The following DOC2B variants were observed in gnomAD, a reference collection of about 807,000 sequenced individuals.
The protein encoded by DOC2B is double C2-like domain-containing protein beta.
Under a neutral mutation model 28.9 loss-of-function variants are expected in DOC2B, and 21 were observed. The observed-to-expected ratio is 0.73, with a 90% CI of 0.52 to 1.05. The LOEUF (loss-of-function observed/expected upper bound fraction) is 1.05. Ranked by LOEUF, DOC2B falls within the 50% of genes least tolerant of loss-of-function variation. The probability of loss-of-function intolerance (pLI) is 0.00; values close to 1 mark genes in which losing one functional copy is unlikely to be tolerated. For missense variants in DOC2B, 384 were observed against 421.1 expected, an observed-to-expected ratio of 0.91 and a Z score of 0.77; for synonymous variants, 194 against 178.1, an observed-to-expected ratio of 1.09 and a Z score of -0.71.
Position 147,439 on chromosome 17 carries a change from C to T in DOC2B, c.*2G>A, listed in dbSNP as rs944588692. 75 of 398,762 alleles carry T rather than the reference C, an allele frequency of 1.9e-4. No individual in the cohort carries two copies. The Admixed American group carries it at 2.1e-3, about 11-fold the overall frequency. 24.7% of individuals were successfully genotyped at this position (398,762 alleles called of 1,614,324 possible). A position where few individuals can be genotyped will look rare whatever the true frequency, so the allele number is the denominator to read the frequency against. ...GGCAGGGGTAGCAGTGGCGGGTGGG[C>T]GTCAGTCGCTGAGCACAGCCCCTGG... On this transcript the variant is annotated 3_prime_UTR_variant, in exon 9 of 9. Transcript: ENST00000613549.
chr17:159,496 C>T (rs886999280), intron 5 of DOC2B, among the ~76,000 whole-genome samples: 8 of 152,244 alleles, frequency 5.3e-5, no homozygotes, highest in East Asian at 3.9e-4. Context: ...TGGCGGCACA[C>T]GCCTGTAGTC....
At chr17:147,689 G>A (rs905338045) in intron 8 of DOC2B, 112 bp from the exon 9 acceptor site, 4 of 398,138 alleles carry the variant, frequency 1.0e-5, no homozygotes, top group Middle Eastern at 6.2e-4. Flanking sequence ...CCCACTGCCC[G>A]CTGGGTTCTG....
intron 2 of DOC2B, among the ~76,000 whole-genome samples, chr17:169,624 A>G (rs1376014386): frequency 6.6e-6 from 1 of 152,150 alleles, no homozygotes; most frequent in Admixed American, 6.5e-5. Context: ...AATGCTCACA[A>G]CAGGCATGTA....
At chr17:155,952 A>G in intron 6 of DOC2B, 1 of 431,418 alleles carries the variant, frequency 2.3e-6, no homozygotes, top group Non-Finnish European at 4.1e-6. Context: ...AGTCACAGAG[A>G]GGCCTGGACA....
At chr17:157,439 A>G (rs1555522718) in intron 5 of DOC2B, among the ~76,000 whole-genome samples, 1 of 152,014 alleles carries the variant, frequency 6.6e-6, no homozygotes, top group African/African-American at 2.4e-5. Context: ...CCCAGCCTCT[A>G]AGTTCCTTGA....
intron 1 of DOC2B, among the ~76,000 whole-genome samples, chr17:179,869 A>AT (rs1283340075): frequency 1.3e-5 from 2 of 152,258 alleles, no homozygotes; most frequent in Non-Finnish European, 2.9e-5. Context: ...TTTCCCCTAC[A>AT]GGGGCCCTGC....
rs567211857 is a variant in DOC2B at position 175,261 on chromosome 17, T to C, written c.374-2645A>G. ...AAAAAAATAAATAAATACTAGGTCT[T>C]GAGTGAAGCCTGAGGCACGTTCTCC... On this transcript the variant is annotated intron_variant, in intron 1 of 8. Coordinates refer to ENST00000613549, the MANE Select transcript of DOC2B (RefSeq NM_003585.5). 4.6e-5 allele frequency among the ~76,000 whole-genome samples: 7 copies of C among 152,224 alleles called. No individual in the cohort carries two copies. In the South Asian group the frequency reaches 1.5e-3, roughly 32 times the overall value.
At chr17:160,325 G>T (rs754165782) in intron 5 of DOC2B, among the ~76,000 whole-genome samples, 7 of 152,184 alleles carry the variant, frequency 4.6e-5, no homozygotes, top group Non-Finnish European at 7.4e-5. Context: ...AAACAGGAAA[G>T]GTTATATCCA....
chr17:161,743 C>T (rs1469886827), intron 4 of DOC2B, among the ~76,000 whole-genome samples: 5 of 152,198 alleles, frequency 3.3e-5, no homozygotes, highest in Non-Finnish European at 5.9e-5. Context: ...GACAAGTGTC[C>T]TCAGGTTGGA....
intron 6 of DOC2B, among the ~76,000 whole-genome samples, chr17:153,930 A>G (rs2040101307): frequency 6.6e-6 from 1 of 152,128 alleles, no homozygotes; most frequent in Non-Finnish European, 1.5e-5. Flanking sequence ...CATTCTACAC[A>G]CTGCCCATGT....
At chr17:165,616 C>A (rs1352526037) in intron 2 of DOC2B, among the ~76,000 whole-genome samples, 2 of 152,122 alleles carry the variant, frequency 1.3e-5, no homozygotes, top group African/African-American at 4.8e-5. Context: ...GCACGCCAGG[C>A]CCCCGTGAGA....
chr17:158,109 G>A (rs1168094994), intron 5 of DOC2B, among the ~76,000 whole-genome samples: 2 of 152,154 alleles, frequency 1.3e-5, no homozygotes, highest in Non-Finnish European at 2.9e-5. Context: ...CCCTGCCTCA[G>A]CAGCTGCCAG....
chr17:161,172 C>T (rs2040198111), intron 5 of DOC2B, among the ~76,000 whole-genome samples: 1 of 152,168 alleles, frequency 6.6e-6, no homozygotes, highest in Non-Finnish European at 1.5e-5. Context: ...GAGCCCAGGC[C>T]AGCGAGCCTG....
chr17:170,086 A>G (rs1434797245), intron 2 of DOC2B, among the ~76,000 whole-genome samples: 1 of 152,160 alleles, frequency 6.6e-6, no homozygotes, highest in East Asian at 1.9e-4. Flanking sequence ...GTGGCCTGGC[A>G]GCCGGCACCT....
intron 1 of DOC2B, among the ~76,000 whole-genome samples, chr17:180,333 G>C (rs1417116189): frequency 6.6e-6 from 1 of 152,080 alleles, no homozygotes; most frequent in African/African-American, 2.4e-5. Context: ...GCCGGGCCTC[G>C]GTCCCGGGAC....
At chr17:178,541 G>A (rs2040395099) in intron 1 of DOC2B, among the ~76,000 whole-genome samples, 1 of 152,228 alleles carries the variant, frequency 6.6e-6, no homozygotes, top group Non-Finnish European at 1.5e-5. Context: ...GCACGCCACA[G>A]AGGCCACCCT....
chr17:161,619 C>T lies in DOC2B; in HGVS notation c.639-78G>A. The T allele has an allele frequency of 2.6e-6, 4 of 1,534,250 alleles. No individual in the cohort carries two copies. In the South Asian group the frequency reaches 4.8e-5, roughly 18 times the overall value. The stretch of plus-strand genomic sequence containing the variant: ...TGGTGGAGGTGTGCGCAGGTAGGGC[C>T]AGCCCTGGCTTCTCCTGCCCCAAGC... On this transcript the variant is annotated intron_variant, in intron 4 of 8. Coordinates refer to ENST00000613549, the MANE Select transcript of DOC2B (RefSeq NM_003585.5).
chr17:150,420 T>G (rs1265964880), intron 6 of DOC2B, among the ~76,000 whole-genome samples: 1 of 152,046 alleles, frequency 6.6e-6, no homozygotes, highest in Non-Finnish European at 1.5e-5. Context: ...CCTGCATCCC[T>G]AGAAGTGAAG....
intron 2 of DOC2B, among the ~76,000 whole-genome samples, chr17:169,609 C>A (rs2040288834): frequency 6.6e-6 from 1 of 152,118 alleles, no homozygotes; most frequent in African/African-American, 2.4e-5. Flanking sequence ...CGTGTTAACT[C>A]ATTTAATGCT....
Sources: allele counts gnomAD v4.1 joint callset (sites outside exome capture counted in the v4.1 genomes callset), GRCh38; gene constraint gnomAD v4.1.1; transcripts MANE v1.5; gene names NCBI Gene and HGNC (gene_info 2026-07-23, HGNC 2026-07-21).